The following IL1RAPL2 variants were observed in gnomAD, a reference collection of about 807,000 sequenced individuals.
IL1RAPL2 encodes the protein interleukin 1 receptor accessory protein like 2, also known as X-linked interleukin-1 receptor accessory protein-like 2.
In IL1RAPL2, 3 loss-of-function variants were observed where a neutral mutation model predicts 44.1. That is an observed-to-expected ratio of 0.07 (90% CI 0.03 to 0.18). The LOEUF is 0.18. Among genes scored for constraint, IL1RAPL2 ranks in the 10% least tolerant of loss-of-function variants. IL1RAPL2 has a pLI of 1.00. For synonymous variants in IL1RAPL2, 181 were observed against 178.8 expected (o/e 1.01, Z -0.10); for missense variants, 391 against 496.4 (o/e 0.79, Z 2.02).
At chrX:105,372,599 T>G (rs1439569105) in intron 5 of IL1RAPL2, among the ~76,000 whole-genome samples, 1 of 111,117 alleles carries the variant, frequency 9.0e-6, no homozygotes, top group Non-Finnish European at 1.9e-5. Flanking sequence ...CTAATATCCA[T>G]TGGTCATTTT....
chrX:105,587,764 C>T (rs1218622831), intron 6 of IL1RAPL2, among the ~76,000 whole-genome samples: 12 of 111,870 alleles, frequency 1.1e-4, no homozygotes, highest in Admixed American at 2.9e-4. Context: ...CCAGGCCAGA[C>T]GTGGAGGCTC....
intron 1 of IL1RAPL2, among the ~76,000 whole-genome samples, chrX:104,635,781 G>A (rs1214893637): frequency 2.7e-5 from 3 of 111,103 alleles, no homozygotes; most frequent in East Asian, 5.7e-4. Flanking sequence ...CTTTGCCATG[G>A]GTTCGAACTT....
intron 5 of IL1RAPL2, among the ~76,000 whole-genome samples, chrX:105,436,838 A>G (rs1171596207): frequency 9.1e-6 from 1 of 109,936 alleles, no homozygotes; most frequent in Non-Finnish European, 1.9e-5. Flanking sequence ...ATATGGTACT[A>G]TAGACAAATA....
intron 2 of IL1RAPL2, among the ~76,000 whole-genome samples, chrX:105,135,261 T>G (rs960824215): frequency 3.6e-5 from 4 of 111,487 alleles, no homozygotes; most frequent in African/African-American, 1.3e-4. Flanking sequence ...GGGTGACTGG[T>G]GGTTCAGTAG....
At chrX:105,697,614 A>C (rs992134188) in intron 6 of IL1RAPL2, among the ~76,000 whole-genome samples, 39 of 110,904 alleles carry the variant, frequency 3.5e-4, no homozygotes, top group African/African-American at 1.3e-3. Context: ...TTCCAGACCC[A>C]CCCATGGATA....
chrX:105,306,961 CT>C (rs961751975), intron 5 of IL1RAPL2, among the ~76,000 whole-genome samples: 3 of 111,466 alleles, frequency 2.7e-5, no homozygotes, highest in African/African-American at 9.8e-5. Context: ...CCTCAGGAAA[CT>C]TACAATAATG....
chrX:105,340,753 C>T (rs1602365712), intron 5 of IL1RAPL2, among the ~76,000 whole-genome samples: 1 of 112,151 alleles, frequency 8.9e-6, no homozygotes, highest in Non-Finnish European at 1.9e-5. Flanking sequence ...CACTCCACTC[C>T]CACCTCCCCA....
At chrX:105,048,761 A>G (rs919530433) in intron 2 of IL1RAPL2, among the ~76,000 whole-genome samples, 2 of 111,784 alleles carry the variant, frequency 1.8e-5, no homozygotes, top group African/African-American at 6.5e-5. Context: ...CTATATCTGA[A>G]CTGTCCAACA....
At chrX:105,303,852 G>C (rs887132575) in intron 5 of IL1RAPL2, among the ~76,000 whole-genome samples, 2 of 112,663 alleles carry the variant, frequency 1.8e-5, no homozygotes, top group African/African-American at 3.2e-5. Context: ...TCTCCGAAGA[G>C]GTCACAAGAC....
chrX:105,010,902 C>T (rs2031037123), intron 2 of IL1RAPL2, among the ~76,000 whole-genome samples: 1 of 111,331 alleles, frequency 9.0e-6, no homozygotes, highest in African/African-American at 3.3e-5. Context: ...ATAGTAGAGA[C>T]TATAGGAAGT....
chrX:104,642,476 C>T (rs939044157), intron 1 of IL1RAPL2, among the ~76,000 whole-genome samples: 7 of 110,771 alleles, frequency 6.3e-5, no homozygotes, highest in Admixed American at 5.8e-4. Flanking sequence ...TCTTTAGTTA[C>T]ATTTGGGATT....
intron 1 of IL1RAPL2, among the ~76,000 whole-genome samples, chrX:104,622,756 T>C (rs778387161): frequency 2.1e-4 from 24 of 111,766 alleles, no homozygotes; most frequent in Non-Finnish European, 3.8e-4. Flanking sequence ...TTTAGTTGAG[T>C]GAGGTTGCTT....
chrX:104,940,838 A>C (rs780569157), intron 2 of IL1RAPL2, among the ~76,000 whole-genome samples: 9 of 105,550 alleles, frequency 8.5e-5, no homozygotes, highest in African/African-American at 3.1e-4. Flanking sequence ...TTAACTCATC[A>C]TTTACATTAG....
chrX:105,407,984 T>C (rs1405303289), intron 5 of IL1RAPL2, among the ~76,000 whole-genome samples: 1 of 111,875 alleles, frequency 8.9e-6, no homozygotes, highest in East Asian at 2.8e-4. Flanking sequence ...ATAGTTTACA[T>C]AGGGCCAGCT....
chrX:104,702,799 C>T (rs1037932943), intron 2 of IL1RAPL2, among the ~76,000 whole-genome samples: 1 of 111,103 alleles, frequency 9.0e-6, no homozygotes, highest in Non-Finnish European at 1.9e-5. Flanking sequence ...CCTGATTTAT[C>T]ATCAGAAATT....
At chrX:104,696,041 C>T (rs1419506409) in intron 2 of IL1RAPL2, among the ~76,000 whole-genome samples, 1 of 111,542 alleles carries the variant, frequency 9.0e-6, no homozygotes, top group Non-Finnish European at 1.9e-5. Context: ...CTCCTGACCT[C>T]AAGTGATCCG....
chrX:105,501,952 A>G (rs2036398576), intron 6 of IL1RAPL2, among the ~76,000 whole-genome samples: 1 of 111,894 alleles, frequency 8.9e-6, no homozygotes, highest in Non-Finnish European at 1.9e-5. Flanking sequence ...AGTTCACCAC[A>G]TGACCAACCT....
chrX:105,473,264 A>G lies in IL1RAPL2; in HGVS notation c.698-11049A>G, dbSNP rs747066686. ...CCCTGCACTTTATAGATTTTTGATG[A>G]CCATGCATTTGGCTTGTTGTCATGT... On this transcript the variant is annotated intron_variant, in intron 5 of 10. Transcript: ENST00000372582. 1.1e-4 allele frequency among the ~76,000 whole-genome samples: 12 copies of G among 111,506 alleles called. 1 individual carries two copies. The highest frequency in any genetic ancestry group is 1.9e-4 in the Admixed American group (2 of 10,457).
At position 105,516,488 on chromosome X, in the gene IL1RAPL2, G is replaced by T. The variant is rs1040736168; in HGVS notation, c.772+32101G>T. On this transcript the variant is annotated intron_variant, in intron 6 of 10. Coordinates refer to ENST00000372582, the MANE Select transcript of IL1RAPL2 (RefSeq NM_017416.2). ...AGGATGTCAAACACGTGGATGCAAT[G>T]AACTACTTTTAGAAGGTCAGTGAAA... Among the ~76,000 whole-genome samples the T allele has an allele frequency of 5.4e-5, 6 of 111,883 alleles. No individual in the cohort carries two copies. The Admixed American group carries it at 5.7e-4, about 11-fold the overall frequency.
Sources: gnomAD v4.1 joint callset for allele counts (sites outside exome capture counted in the v4.1 genomes callset) on GRCh38, gnomAD v4.1.1 for gene constraint, MANE v1.5 for transcripts, NCBI Gene and HGNC (gene_info 2026-07-23, HGNC 2026-07-21) for gene names.